The following TMEM87A variants were observed in gnomAD, a reference collection of about 807,000 sequenced individuals.
TMEM87A encodes the protein Golgi-pH regulating cation channel.
TMEM87A carries 50 observed loss-of-function variants against 90.0 expected under a neutral mutation model. The observed-to-expected ratio is 0.56, with a 90% confidence interval of 0.44 to 0.70. TMEM87A has a LOEUF of 0.70. Ranked by LOEUF, TMEM87A falls within the 30% of genes least tolerant of loss-of-function variation. The probability of loss-of-function intolerance (pLI) is 0.00; values close to 1 mark genes in which losing one functional copy is unlikely to be tolerated. For missense variants in TMEM87A, 577 were observed against 660.5 expected, an observed-to-expected ratio of 0.87 and a Z score of 1.39; for synonymous variants, 226 against 226.7, an observed-to-expected ratio of 1.00 and a Z score of 0.03.
intron 6 of TMEM87A, among the ~76,000 whole-genome samples, chr15:42,257,397 C>A (rs372144095): frequency 2.0e-5 from 3 of 152,150 alleles, no homozygotes; most frequent in Admixed American, 6.5e-5. Flanking sequence ...CAGGCTCCCC[C>A]CTTCACCTTC....
chr15:42,271,898 T>G (rs2140997855), intron 2 of TMEM87A, among the ~76,000 whole-genome samples, 165 bp downstream of exon 2: 1 of 151,768 alleles, frequency 6.6e-6, no homozygotes, highest in African/African-American at 2.4e-5. Context: ...TTCACACGAG[T>G]ACTTTGAAGA....
chr15:42,272,674 A>G, intron 1 of TMEM87A: 1 of 319,858 alleles, frequency 3.1e-6, no homozygotes, highest in South Asian at 2.6e-5. Context: ...GACTAGCCTT[A>G]CCACATTAAA....
intron 15 of TMEM87A, among the ~76,000 whole-genome samples, chr15:42,220,937 G>A (rs866760567): frequency 6.6e-6 from 1 of 152,002 alleles, no homozygotes; most frequent in African/African-American, 2.4e-5. Flanking sequence ...GAGTACAGGC[G>A]CCCGCCACGA....
At chr15:42,246,742 T>C (rs879592734) in intron 6 of TMEM87A, among the ~76,000 whole-genome samples, 19 of 152,214 alleles carry the variant, frequency 1.2e-4, no homozygotes, top group South Asian at 2.1e-4. Context: ...CGAACAGTGC[T>C]GCAATAAACA....
In TMEM87A at chr15:42,239,672, T is replaced by A; in HGVS notation, c.682A>T (p.Ile228Phe). Residue 228 changes from isoleucine (I) to phenylalanine (F), a missense_variant and splice_region_variant, in exon 8 of 20, where the codon ATT (isoleucine) becomes TTT (phenylalanine). Transcript: ENST00000389834. Reference sequence around the variant, plus strand: ...TTAAATAATATAAAGTCACTTACAATCATCAAGGGATAGTCTTCAAGTGTG... The same window carrying A: ...TTAAATAATATAAAGTCACTTACAAACATCAAGGGATAGTCTTCAAGTGTG... ...YLTLEDYPLM[I>F]FFMVMCIVYV... 4 of 1,613,260 alleles carry A rather than the reference T, an allele frequency of 2.5e-6. No homozygotes were observed. The highest frequency in any genetic ancestry group is 3.4e-6 in the Non-Finnish European group (4 of 1,179,240).
At position 42,231,105 on chromosome 15, in the gene TMEM87A, ATAAAAAC is replaced by A. The variant is rs2050678423; in HGVS notation, c.1131+80_1131+86del. ...CACTAAGGAGTAATTAACAAAACTGATAAAAACTCTTTGCAGAAAGATCAATGGAAAC... is the reference window on the plus strand; with the variant it reads ...CACTAAGGAGTAATTAACAAAACTGATCTTTGCAGAAAGATCAATGGAAAC... On this transcript the variant is annotated intron_variant, in intron 12 of 19. Transcript: ENST00000389834. 6 of 1,303,692 alleles carry A rather than the reference ATAAAAAC, an allele frequency of 4.6e-6. No homozygotes were observed. In the South Asian group the frequency reaches 8.2e-5, roughly 18 times the overall value. The allele number at this position is 1,303,692 out of a possible 1,614,324, so 80.8% of individuals were successfully genotyped here. A position where few individuals can be genotyped will look rare whatever the true frequency, so the allele number is the denominator to read the frequency against.
chr15:42,211,487 G>A lies in TMEM87A; in HGVS notation c.*221C>T, dbSNP rs368834897. 16 of 478,180 alleles carry A rather than the reference G, an allele frequency of 3.3e-5. No individual in the cohort carries two copies. The highest frequency in any genetic ancestry group is 3.8e-5 in the South Asian group (1 of 26,514). The allele number at this position is 478,180 out of a possible 1,614,324, so 29.6% of individuals were successfully genotyped here. On this transcript the variant is annotated 3_prime_UTR_variant, in exon 20 of 20. Coordinates refer to ENST00000389834, the MANE Select transcript of TMEM87A (RefSeq NM_015497.5). ...TGGGAGGAAAGGGGGCAGCAGTGTT[G>A]TAAATAAGAAGCTCGTAGATTTTTC...
chr15:42,237,676 A>G, intron 8 of TMEM87A, 61 bp from the exon 9 acceptor site: 1 of 1,267,234 alleles, frequency 7.9e-7, no homozygotes, highest in South Asian at 1.8e-5. Flanking sequence ...AAGTCTGTAG[A>G]TTTAGAATCA....
intron 3 of TMEM87A, among the ~76,000 whole-genome samples, chr15:42,266,897 T>C (rs1267024143): frequency 6.6e-6 from 1 of 152,206 alleles, no homozygotes; most frequent in Admixed American, 6.5e-5. Context: ...CGAAACACCA[T>C]ATTTACTTGA....
chr15:42,227,070 G>A (rs748603896), intron 14 of TMEM87A, 161 bp from the exon 15 acceptor site: 114 of 631,842 alleles, frequency 1.8e-4, no homozygotes, highest in Middle Eastern at 4.3e-4. Context: ...GGGAAACAAA[G>A]TGAATGAATG....
intron 19 of TMEM87A, among the ~76,000 whole-genome samples, chr15:42,215,992 A>G (rs933124984): frequency 2.0e-5 from 3 of 152,234 alleles, no homozygotes; most frequent in Non-Finnish European, 4.4e-5. Context: ...ACCCGTGTCC[A>G]CTGACAGATA....
At chr15:42,273,186 A>G in intron 1 of TMEM87A, 69 bp downstream of exon 1, 1 of 1,591,534 alleles carries the variant, frequency 6.3e-7, no homozygotes, top group Non-Finnish European at 8.6e-7. Context: ...ACCTTCATGG[A>G]CCCCTTGGGC....
At chr15:42,254,726 G>C (rs774208075) in intron 6 of TMEM87A, among the ~76,000 whole-genome samples, 1 of 152,206 alleles carries the variant, frequency 6.6e-6, no homozygotes, top group Non-Finnish European at 1.5e-5. Context: ...AACAGGCAGA[G>C]CACAGAGGAT....
intron 14 of TMEM87A, 76 bp from the exon 15 acceptor site, chr15:42,226,985 C>A: frequency 7.3e-7 from 1 of 1,372,148 alleles, no homozygotes; most frequent in Non-Finnish European, 1.0e-6. Flanking sequence ...TGGCATAGAA[C>A]AAAAATCACT....
chr15:42,263,046 C>A (rs1006048683), intron 4 of TMEM87A, among the ~76,000 whole-genome samples: 2 of 152,042 alleles, frequency 1.3e-5, no homozygotes, highest in South Asian at 2.1e-4. Context: ...ATGATGATAC[C>A]CTTCTGATTT....
intron 6 of TMEM87A, among the ~76,000 whole-genome samples, chr15:42,254,076 G>A (rs1266989255): frequency 6.7e-6 from 1 of 149,526 alleles, no homozygotes; most frequent in African/African-American, 2.5e-5. Flanking sequence ...CTTTTTCACA[G>A]TCTACCACTA....
Position 42,227,781 on chromosome 15 carries a change from T to G in TMEM87A, c.1241-12A>C, listed in dbSNP as rs923358486. The G allele has an allele frequency of 1.2e-6, 2 of 1,613,332 alleles. No homozygotes were observed. The highest frequency in any genetic ancestry group is 1.7e-6 in the Non-Finnish European group (2 of 1,179,646). On this transcript the variant is annotated splice_polypyrimidine_tract_variant and intron_variant, in intron 13 of 19. Coordinates refer to ENST00000389834, the MANE Select transcript of TMEM87A (RefSeq NM_015497.5). ...AAACACAATGGATGCTAACAGTAAA[T>G]GAAAAACCAGGTCAGAGTATGAATG...
chr15:42,212,736 C>G (rs1332495255), intron 19 of TMEM87A, among the ~76,000 whole-genome samples: 4 of 152,126 alleles, frequency 2.6e-5, no homozygotes, highest in Non-Finnish European at 4.4e-5. Context: ...GTACAGAATT[C>G]TAGGTTGAAA....
intron 6 of TMEM87A, among the ~76,000 whole-genome samples, chr15:42,247,129 T>G (rs370982378): frequency 2.0e-5 from 3 of 152,340 alleles, no homozygotes; most frequent in African/African-American, 7.2e-5. Context: ...TTTGTCCACT[T>G]TTTGATGGGG....
Sources: gnomAD v4.1 joint callset for allele counts (sites outside exome capture counted in the v4.1 genomes callset) on GRCh38, gnomAD v4.1.1 for gene constraint, MANE v1.5 for transcripts, NCBI Gene and HGNC (gene_info 2026-07-23, HGNC 2026-07-21) for gene names.